CTPS2: variants seen among roughly 807,000 people sequenced by gnomAD.
CTPS2 encodes the protein CTP synthase II.
CTPS2 carries 19 observed loss-of-function variants against 46.8 expected under a neutral mutation model. The ratio of observed to expected loss-of-function variants is 0.41; its 90% CI spans 0.28 to 0.60. The LOEUF (loss-of-function observed/expected upper bound fraction) is 0.60, where lower values mean the gene tolerates loss of function less well. CTPS2 is among the 20% of genes least tolerant of loss of function. The pLI, the probability that CTPS2 is intolerant of heterozygous loss-of-function variation, is 0.35. For synonymous variants in CTPS2, 151 were observed against 165.2 expected, an observed-to-expected ratio of 0.91 and a Z score of 0.66; for missense variants, 286 against 447.6, an observed-to-expected ratio of 0.64 and a Z score of 3.26.
chrX:16,656,412 CT>C (rs764147514), intron 13 of CTPS2, among the ~76,000 whole-genome samples: 118 of 100,338 alleles, frequency 1.2e-3, no homozygotes, highest in South Asian at 1.3e-3. Flanking sequence ...TTCCACTTTC[CT>C]TTTTTTTTTT....
chrX:16,627,639 C>T (rs1931230006), intron 14 of CTPS2, among the ~76,000 whole-genome samples: 1 of 111,658 alleles, frequency 9.0e-6, no homozygotes, highest in Non-Finnish European at 1.9e-5. Context: ...TGAGCTTAAG[C>T]TGTGGCATTT....
chrX:16,641,096 C>T (rs1378109658), intron 13 of CTPS2, among the ~76,000 whole-genome samples: 4 of 111,746 alleles, frequency 3.6e-5, no homozygotes, highest in Admixed American at 9.6e-5. Context: ...TGAGATAGGG[C>T]ATTCACTTCT....
At chrX:16,700,205 C>G (rs1924450813) in intron 2 of CTPS2, among the ~76,000 whole-genome samples, 1 of 107,214 alleles carries the variant, frequency 9.3e-6, no homozygotes, top group Non-Finnish European at 1.9e-5. Flanking sequence ...CAACCTCTGA[C>G]TCCCTGGTTC....
In CTPS2 at chrX:16,697,914, A is replaced by G. The variant is rs752904595; in HGVS notation, c.438+322T>C. Among the ~76,000 whole-genome samples, 83 of 111,709 alleles carry G rather than the reference A, an allele frequency of 7.4e-4. 1 individual carries two copies. The highest frequency in any genetic ancestry group is 1.3e-3 in the Non-Finnish European group (67 of 53,175). On this transcript the variant is annotated intron_variant, in intron 4 of 18. Transcript: ENST00000359276. ...GACAGGGTTGTCTGCAAGCTCCCCA[A>G]GGTCAGAGACTGTGCCCATCCCAGG...
chrX:16,622,696 A>T (rs111287180), intron 14 of CTPS2, among the ~76,000 whole-genome samples: 1,443 of 111,489 alleles, frequency 0.013, 18 homozygotes, highest in African/African-American at 0.044. Context: ...ATATCATGAG[A>T]ATGTTTGAAA....
intron 17 of CTPS2, among the ~76,000 whole-genome samples, chrX:16,592,226 G>A (rs1428635850): frequency 9.0e-6 from 1 of 111,014 alleles, no homozygotes; most frequent in African/African-American, 3.3e-5. Flanking sequence ...ATAGGCACCT[G>A]CTATAACAGG....
chrX:16,636,078 G>A (rs1183015338), intron 14 of CTPS2, among the ~76,000 whole-genome samples: 1 of 112,123 alleles, frequency 8.9e-6, no homozygotes, highest in African/African-American at 3.2e-5. Context: ...GCTACAATGT[G>A]GATGTAGCAA....
intron 14 of CTPS2, among the ~76,000 whole-genome samples, chrX:16,628,405 G>A (rs971715165): frequency 3.6e-5 from 4 of 110,583 alleles, no homozygotes; most frequent in African/African-American, 9.9e-5. Context: ...TCACTCTGTC[G>A]CCCAGGCTGG....
At chrX:16,693,915 C>T (rs1923902029) in intron 4 of CTPS2, among the ~76,000 whole-genome samples, 1 of 112,084 alleles carries the variant, frequency 8.9e-6, no homozygotes, top group Non-Finnish European at 1.9e-5. Context: ...GCTTGTAATC[C>T]CAGCACTTTG....
intron 16 of CTPS2, among the ~76,000 whole-genome samples, chrX:16,612,886 T>A (rs1241932251): frequency 1.8e-5 from 2 of 112,060 alleles, no homozygotes; most frequent in Non-Finnish European, 3.8e-5. Context: ...ATCATCTGCT[T>A]TGTTAGTTAC....
At chrX:16,605,004 T>A (rs1929890240) in intron 17 of CTPS2, among the ~76,000 whole-genome samples, 1 of 112,513 alleles carries the variant, frequency 8.9e-6, no homozygotes, top group South Asian at 3.7e-4. Flanking sequence ...GAGGCTGCTA[T>A]CTTTCAAAGG....
chrX:16,687,714 T>C (rs981835140), intron 8 of CTPS2, among the ~76,000 whole-genome samples: 1 of 110,488 alleles, frequency 9.1e-6, no homozygotes, highest in African/African-American at 3.3e-5. Flanking sequence ...CTGATTCCAC[T>C]TGCCCCAGAA....
At chrX:16,699,832 C>T (rs1236282491) in intron 2 of CTPS2, among the ~76,000 whole-genome samples, 1 of 112,165 alleles carries the variant, frequency 8.9e-6, no homozygotes, top group Non-Finnish European at 1.9e-5. Context: ...CCTTTTATAT[C>T]CTAATTTATT....
chrX:16,647,686 C>T (rs1379614687), intron 13 of CTPS2, among the ~76,000 whole-genome samples: 1 of 111,389 alleles, frequency 9.0e-6, no homozygotes, highest in African/African-American at 3.3e-5. Flanking sequence ...TATATACATA[C>T]ACACGTCATA....
intron 17 of CTPS2, among the ~76,000 whole-genome samples, chrX:16,600,342 C>A (rs1437497191): frequency 8.9e-6 from 1 of 111,829 alleles, no homozygotes; most frequent in Admixed American, 9.5e-5. Context: ...CCTTACAATA[C>A]TTTATATTAA....
At chrX:16,602,342 G>C (rs1471563514) in intron 17 of CTPS2, among the ~76,000 whole-genome samples, 3 of 110,311 alleles carry the variant, frequency 2.7e-5, no homozygotes, top group Non-Finnish European at 5.7e-5. Context: ...GGTAGCATTG[G>C]GGGTATGAAT....
At chrX:16,599,772 G>A (rs1160614184) in intron 17 of CTPS2, among the ~76,000 whole-genome samples, 4 of 88,646 alleles carry the variant, frequency 4.5e-5, no homozygotes, top group African/African-American at 9.6e-5. Flanking sequence ...CACCGCACCC[G>A]GCACCCCCCC....
At chrX:16,603,239 A>G (rs1929768480) in intron 17 of CTPS2, among the ~76,000 whole-genome samples, 1 of 109,806 alleles carries the variant, frequency 9.1e-6, no homozygotes. Context: ...AGATGGTGAA[A>G]CCCCATCTCT....
At chrX:16,624,999 C>T (rs1931048055) in intron 14 of CTPS2, among the ~76,000 whole-genome samples, 1 of 111,767 alleles carries the variant, frequency 8.9e-6, no homozygotes, top group Admixed American at 9.5e-5. Context: ...TATATTTTTA[C>T]CTGTTTAATG....
Sources: gnomAD v4.1 joint callset for allele counts (sites outside exome capture counted in the v4.1 genomes callset) on GRCh38, gnomAD v4.1.1 for gene constraint, MANE v1.5 for transcripts, NCBI Gene and HGNC (gene_info 2026-07-23, HGNC 2026-07-21) for gene names.